The following COPA variants were observed in gnomAD, a reference collection of about 807,000 sequenced individuals.
COPA encodes the protein coatomer subunit alpha.
COPA carries 10 observed loss-of-function variants against 158.7 expected under a neutral mutation model. The ratio of observed to expected loss-of-function variants is 0.06; its 90% CI spans 0.04 to 0.11. The LOEUF (loss-of-function observed/expected upper bound fraction) is 0.11. Ranked by LOEUF, COPA falls within the 10% of genes least tolerant of loss-of-function variation. The pLI is 1.00. For missense variants in COPA, 1,065 were observed against 1,536.7 expected, an observed-to-expected ratio of 0.69 and a Z score of 5.13; for synonymous variants, 462 against 542.8, an observed-to-expected ratio of 0.85 and a Z score of 2.07.
Position 160,332,667 on chromosome 1 carries a change from G to T in COPA, c.387-110C>A, listed in dbSNP as rs978223245. ...AATGCTTATCCAGTTTTACTTTTATGGAGACAAAGGCAGGTCATCCTACCA... is the reference window on the plus strand; with the variant it reads ...AATGCTTATCCAGTTTTACTTTTATTGAGACAAAGGCAGGTCATCCTACCA... On this transcript the variant is annotated intron_variant, in intron 5 of 32. Coordinates refer to ENST00000241704, the MANE Select transcript of COPA (RefSeq NM_004371.4). The T allele has an allele frequency of 7.2e-5, 47 of 654,922 alleles. 1 individual carries two copies. The highest frequency in any genetic ancestry group is 6.5e-4 in the East Asian group (23 of 35,202). The allele number at this position is 654,922 out of a possible 1,614,324, so 40.6% of individuals were successfully genotyped here.
chr1:160,315,106 A>C (rs1167070616), intron 8 of COPA, among the ~76,000 whole-genome samples: 1 of 152,176 alleles, frequency 6.6e-6, no homozygotes, highest in Non-Finnish European at 1.5e-5. Context: ...CTGGGGCCAC[A>C]GAGAGATGAA....
In COPA at chr1:160,292,474, AG is replaced by A. The variant is rs764977140; in HGVS notation, c.2960+9del. On this transcript the variant is annotated intron_variant, in intron 28 of 32. Transcript: ENST00000241704. ...TGGAACAGATGAAAGCAAAGAGAAA[AG>A]GGCCTTACCAGTTGCGATTAGGATA... The A allele has an allele frequency of 6.2e-6, 10 of 1,612,986 alleles. No individual in the cohort carries two copies. In the South Asian group the frequency reaches 1.1e-4, roughly 18 times the overall value.
At chr1:160,290,391 G>A in intron 32 of COPA, 101 bp downstream of exon 32, 1 of 1,447,056 alleles carries the variant, frequency 6.9e-7, no homozygotes, top group Non-Finnish European at 9.4e-7. Flanking sequence ...CTGCCTCAGG[G>A]AGCAGGGGAC....
At chr1:160,324,763 C>A (rs57091952) in intron 7 of COPA, among the ~76,000 whole-genome samples, 1,832 of 152,040 alleles carry the variant, frequency 0.012, 42 homozygotes, top group African/African-American at 0.041. Context: ...ACAGATATAA[C>A]CCACATAAAC....
At chr1:160,296,554 C>T (rs1225011947) in intron 21 of COPA, among the ~76,000 whole-genome samples, 1 of 152,180 alleles carries the variant, frequency 6.6e-6, no homozygotes, top group Admixed American at 6.5e-5. Flanking sequence ...ATTCTCTCCC[C>T]GGTGAGTCTT....
Position 160,298,920 on chromosome 1 carries a change from A to G in COPA, c.1902T>C (p.Tyr634=). 1 of 1,614,154 alleles carries G rather than the reference A, an allele frequency of 6.2e-7. No individual in the cohort carries two copies. The highest frequency in any genetic ancestry group is 8.5e-7 in the Non-Finnish European group (1 of 1,180,034). ...SIIAYLQKKG[Y]PEVALHFVKD... Reference sequence around the variant, plus strand: ...TGACAAAATGCAGTGCCACTTCAGGATAGCCCTTCTTCTGGAGATAAGCAA... The same window carrying G: ...TGACAAAATGCAGTGCCACTTCAGGGTAGCCCTTCTTCTGGAGATAAGCAA... Residue 634 remains tyrosine (Y), a synonymous_variant, in exon 19 of 33, where the codon TAT becomes TAC. Coordinates refer to ENST00000241704, the MANE Select transcript of COPA (RefSeq NM_004371.4).
chr1:160,317,386 G>A (rs1571168844), intron 8 of COPA: 1 of 1,602,950 alleles, frequency 6.2e-7, no homozygotes, highest in Non-Finnish European at 8.5e-7. Context: ...ACCCCCGGGT[G>A]AAGCCACTGT....
rs140803372 is a variant in COPA at position 160,291,885 on chromosome 1, C to T, written c.3192G>A (p.Leu1064=). Residue 1064 remains leucine, a synonymous_variant, in exon 30 of 33, where the codon TTG becomes TTA. Coordinates refer to ENST00000241704, the MANE Select transcript of COPA (RefSeq NM_004371.4). ...GCTTCTTCCTTTCTGTCTCCACGGACAAACCCACAATGTACTCACGGCAAA... is the reference window on the plus strand; with the variant it reads ...GCTTCTTCCTTTCTGTCTCCACGGATAAACCCACAATGTACTCACGGCAAA... ...ITICREYIVG[L]SVETERKKLP... 106 of 1,614,150 alleles carry T rather than the reference C, an allele frequency of 6.6e-5. 1 individual carries two copies. The African/African-American group carries it at 1.0e-3, about 16-fold the overall frequency.
rs1248985463 is a variant in COPA, at chr1:160,290,485, T to C, written c.3615+7A>G. On this transcript the variant is annotated splice_region_variant and intron_variant, in intron 32 of 32. Coordinates refer to ENST00000241704, the MANE Select transcript of COPA (RefSeq NM_004371.4). ...TCCTAGATATATTTATTGAGGACAG[T>C]ACTTACTGTGGTGACCCTGCAGATT... 3.1e-6 allele frequency: 5 copies of C among 1,613,942 alleles called. No homozygotes were observed. The highest frequency in any genetic ancestry group is 4.2e-6 in the Non-Finnish European group (5 of 1,179,828).
At chr1:160,323,386 C>G (rs1571174089) in intron 8 of COPA, 45 bp downstream of exon 8, 1 of 1,520,212 alleles carries the variant, frequency 6.6e-7, no homozygotes, top group East Asian at 2.4e-5. Flanking sequence ...ACCTTGCTGG[C>G]TGGCAGTTTC....
At chr1:160,322,989 G>A (rs1038224697) in intron 8 of COPA, among the ~76,000 whole-genome samples, 1 of 145,320 alleles carries the variant, frequency 6.9e-6, no homozygotes, top group Non-Finnish European at 1.5e-5. Context: ...ACGCGCACGT[G>A]CACACACACA....
At chr1:160,307,586 A>G (rs1456496050) in intron 13 of COPA, among the ~76,000 whole-genome samples, 1 of 151,798 alleles carries the variant, frequency 6.6e-6, no homozygotes, top group East Asian at 1.9e-4. Context: ...GCTGCGGCAA[A>G]GCAAGCCTGT....
intron 6 of COPA, among the ~76,000 whole-genome samples, chr1:160,327,275 G>A (rs1019301534): frequency 9.9e-5 from 15 of 151,540 alleles, no homozygotes; most frequent in Admixed American, 3.9e-4. Flanking sequence ...AGTGGCTCAC[G>A]CCTGTAATCC....
At chr1:160,334,484 T>A (rs1025086739) in intron 4 of COPA, among the ~76,000 whole-genome samples, 1 of 152,210 alleles carries the variant, frequency 6.6e-6, no homozygotes, top group Non-Finnish European at 1.5e-5. Flanking sequence ...TGAGTGGTTA[T>A]CATTCTCAAA....
chr1:160,343,163 G>C lies in COPA; in HGVS notation c.8C>G (p.Thr3Ser). 6.2e-7 allele frequency: 1 copy of C among 1,614,068 alleles called. No homozygotes were observed. The highest frequency in any genetic ancestry group is 8.5e-7 in the Non-Finnish European group (1 of 1,180,018). ML[T>S]KFETKSARVK... ...CCGCGCGCTCTTGGTCTCGAATTTG[G>C]TTAACATCTCTCAGGTCTCCGACTC... Residue 3 changes from threonine to serine, a missense_variant, in exon 1 of 33, where the codon ACC becomes AGC. By Grantham distance (58) the Thr-to-Ser change is moderately conservative (BLOSUM62 1). This residue lies in a region of COPA where 85 missense variants were observed against 178.9 expected (regional missense o/e 0.48). Transcript: ENST00000241704.
intron 8 of COPA, among the ~76,000 whole-genome samples, chr1:160,314,784 T>C (rs1395516359): frequency 6.6e-6 from 1 of 152,216 alleles, no homozygotes; most frequent in African/African-American, 2.4e-5. Context: ...AGAACAAATA[T>C]GAGCTCCTTC....
At chr1:160,311,041 T>C (rs1280981033) in intron 11 of COPA, among the ~76,000 whole-genome samples, 1 of 152,192 alleles carries the variant, frequency 6.6e-6, no homozygotes, top group Non-Finnish European at 1.5e-5. Context: ...ATCATTCTAC[T>C]CATGACCACT....
rs184879269 is a variant in COPA at position 160,304,096 on chromosome 1, C to A, written c.1667+1337G>T. 5.0e-4 allele frequency among the ~76,000 whole-genome samples: 76 copies of A among 151,972 alleles called. 1 individual carries two copies. Among genetic ancestry groups the A allele is most frequent in the Middle Eastern group, 6.8e-3 (2 of 294 alleles). On this transcript the variant is annotated intron_variant, in intron 17 of 32. Coordinates refer to ENST00000241704, the MANE Select transcript of COPA (RefSeq NM_004371.4). Reference sequence around the variant, plus strand: ...ATGGTACGACCATGGATCACTGCAGCCTTTGCCTCCTGGGTTCAAGTGATT... The same window carrying A: ...ATGGTACGACCATGGATCACTGCAGACTTTGCCTCCTGGGTTCAAGTGATT...
chr1:160,331,928 A>G (rs963127334), intron 6 of COPA, among the ~76,000 whole-genome samples: 1 of 152,028 alleles, frequency 6.6e-6, no homozygotes, highest in African/African-American at 2.4e-5. Flanking sequence ...AGCCTGGGCA[A>G]CAAAGCAAGA....
Sources: gnomAD v4.1 joint callset for allele counts (sites outside exome capture counted in the v4.1 genomes callset) on GRCh38, gnomAD v4.1.1 for gene constraint, gnomAD v4.1.1 regional missense constraint, MANE v1.5 for transcripts, NCBI Gene and HGNC (gene_info 2026-07-23, HGNC 2026-07-21) for gene names.